The following CDC45 variants were observed in gnomAD, a reference collection of about 807,000 sequenced individuals.
CDC45 encodes cell division cycle 45, also known as cell division control protein 45 homolog.
CDC45 carries 54 observed loss-of-function variants against 77.8 expected under a neutral mutation model. The observed-to-expected ratio is 0.69, with a 90% CI of 0.56 to 0.87. CDC45 has a LOEUF of 0.87. Ranked by LOEUF, CDC45 falls within the 40% of genes least tolerant of loss-of-function variation. CDC45 has a pLI of 0.00. For synonymous variants in CDC45, 260 were observed against 272.1 expected (o/e 0.96, Z 0.44); for missense variants, 649 against 721.6 (o/e 0.90, Z 1.15).
At chr22:19,507,973 C>T in intron 12 of CDC45, 109 bp downstream of exon 12, 2 of 706,936 alleles carry the variant, frequency 2.8e-6, no homozygotes, top group East Asian at 2.7e-5. Context: ...CCAACGTGCT[C>T]CTAAAATAAT....
intron 15 of CDC45, among the ~76,000 whole-genome samples, chr22:19,516,097 G>C (rs1165093865): frequency 1.2e-4 from 19 of 152,126 alleles, no homozygotes; most frequent in Admixed American, 5.9e-4. Context: ...TAAGATGAGG[G>C]GATGTGCTGC....
At chr22:19,504,376 C>T (rs1933036150) in intron 9 of CDC45, among the ~76,000 whole-genome samples, 1 of 152,128 alleles carries the variant, frequency 6.6e-6, no homozygotes, top group African/African-American at 2.4e-5. Context: ...CTCGGCTCAT[C>T]GCAACCTCCG....
intron 5 of CDC45, among the ~76,000 whole-genome samples, chr22:19,489,163 C>CT (rs760449884): frequency 6.6e-6 from 1 of 152,134 alleles, no homozygotes; most frequent in Non-Finnish European, 1.5e-5. Context: ...GCAACTGAGA[C>CT]TATCTCTAAA....
At chr22:19,517,969 C>G (rs1294597947) in intron 17 of CDC45, among the ~76,000 whole-genome samples, 1 of 152,236 alleles carries the variant, frequency 6.6e-6, no homozygotes, top group Non-Finnish European at 1.5e-5. Context: ...ATGATAGACA[C>G]TGTCATGGGA....
At chr22:19,495,233 A>G (rs2090221708) in intron 6 of CDC45, among the ~76,000 whole-genome samples, 1 of 152,244 alleles carries the variant, frequency 6.6e-6, no homozygotes, top group Non-Finnish European at 1.5e-5. Context: ...CTTTCTACTT[A>G]ATATAACCAT....
chr22:19,506,507 G>C (rs933219643), intron 10 of CDC45, among the ~76,000 whole-genome samples: 1 of 152,152 alleles, frequency 6.6e-6, no homozygotes, highest in Non-Finnish European at 1.5e-5. Flanking sequence ...AGGGGCAGTG[G>C]TGGGAACTGA....
At position 19,520,240 on chromosome 22, in the gene CDC45, G is replaced by A. The variant is rs537069696; in HGVS notation, c.*2-241G>A. ...CAGGGGGCTGGCTGAGCAGCTGGGC[G>A]GGGTCCGTGAGGTAAGAAGGTGCCC... On this transcript the variant is annotated intron_variant, in intron 18 of 18. Coordinates refer to ENST00000263201, the MANE Select transcript of CDC45 (RefSeq NM_003504.5). This position sits in a 1 kb window ranked among gnomAD's most constrained non-coding sequence, Gnocchi z 4.5. Among the ~76,000 whole-genome samples the A allele has an allele frequency of 4.6e-5, 7 of 152,230 alleles. No homozygotes were observed. Among genetic ancestry groups the A allele is most frequent in the South Asian group, 2.1e-4 (1 of 4,820 alleles).
intron 5 of CDC45, among the ~76,000 whole-genome samples, chr22:19,492,227 C>G (rs539112753): frequency 5.9e-5 from 9 of 152,090 alleles, no homozygotes; most frequent in African/African-American, 2.2e-4. Context: ...TGTTGTAGCC[C>G]CACAAGTCCC....
chr22:19,518,778 GTT>G, intron 17 of CDC45, 64 bp from the exon 18 acceptor site: 1 of 1,345,546 alleles, frequency 7.4e-7, no homozygotes, highest in Admixed American at 1.7e-5. Flanking sequence ...GCGGAGGGGA[GTT>G]CTGTGCCCTG....
chr22:19,488,762 C>T (rs2090111597), intron 5 of CDC45, among the ~76,000 whole-genome samples: 1 of 152,138 alleles, frequency 6.6e-6, no homozygotes. Context: ...ATTCCATTAC[C>T]CGCAAAAAGT....
intron 5 of CDC45, among the ~76,000 whole-genome samples, chr22:19,493,936 A>G (rs566292256): frequency 6.6e-6 from 1 of 152,200 alleles, no homozygotes; most frequent in Non-Finnish European, 1.5e-5. Context: ...TTCCTAACGC[A>G]TGGTAGAATA....
intron 9 of CDC45, among the ~76,000 whole-genome samples, chr22:19,503,427 T>C (rs1251938424): frequency 6.6e-6 from 1 of 152,170 alleles, no homozygotes; most frequent in Non-Finnish European, 1.5e-5. Flanking sequence ...GGCTCATACT[T>C]GCCCCTGTCA....
chr22:19,490,829 C>CTTT (rs1248793856), intron 5 of CDC45, among the ~76,000 whole-genome samples: 3 of 137,282 alleles, frequency 2.2e-5, no homozygotes, highest in East Asian at 2.1e-4. Context: ...ACCTTATCTT[C>CTTT]TTTTTTTTTT....
intron 5 of CDC45, among the ~76,000 whole-genome samples, chr22:19,493,827 A>C (rs1411922598): frequency 6.6e-6 from 1 of 152,252 alleles, no homozygotes; most frequent in Non-Finnish European, 1.5e-5. Flanking sequence ...ATTTTCCCAG[A>C]AGCAGGAGTC....
At position 19,494,387 on chromosome 22, in the gene CDC45, G is replaced by A; in HGVS notation, c.542+5G>A. On this transcript the variant is annotated splice_donor_5th_base_variant and intron_variant, in intron 6 of 18. Transcript: ENST00000263201. ...GCGAGAGTGGGAGGCCCGGAGGTGA[G>A]TCTGTGCTTCCAGCTGCTCCCAGCA... 1 of 1,613,636 alleles carries A rather than the reference G, an allele frequency of 6.2e-7. No individual in the cohort carries two copies. The highest frequency in any genetic ancestry group is 8.5e-7 in the Non-Finnish European group (1 of 1,179,888).
chr22:19,505,065 C>A (rs1933086654), intron 9 of CDC45: 2 of 406,058 alleles, frequency 4.9e-6, no homozygotes, highest in Non-Finnish European at 9.1e-6. Context: ...CTTACGGAGT[C>A]TGTCATCTTG....
At chr22:19,514,214 G>A (rs1424556829) in intron 13 of CDC45, among the ~76,000 whole-genome samples, 2 of 152,202 alleles carry the variant, frequency 1.3e-5, no homozygotes, top group Non-Finnish European at 2.9e-5. Flanking sequence ...GCTGGGCCAT[G>A]GGTATCTGGG....
At chr22:19,494,570 CA>C in intron 6 of CDC45, 188 bp downstream of exon 6, 1 of 1,548,830 alleles carries the variant, frequency 6.5e-7, no homozygotes. Context: ...TCGCCGGTCC[CA>C]TGAGTGACAG....
intron 9 of CDC45, among the ~76,000 whole-genome samples, chr22:19,503,188 A>G (rs1932967261): frequency 6.6e-6 from 1 of 151,992 alleles, no homozygotes; most frequent in Admixed American, 6.6e-5. Flanking sequence ...GCAGGCAGAA[A>G]CTTTCTCATA....
Sources: allele counts gnomAD v4.1 joint callset (sites outside exome capture counted in the v4.1 genomes callset), GRCh38; gene constraint gnomAD v4.1.1; non-coding constraint Gnocchi (gnomAD v3.1); transcripts MANE v1.5; gene names NCBI Gene and HGNC (gene_info 2026-07-23, HGNC 2026-07-21).